Variants in RB1 observed in about 807,000 individuals in gnomAD.
RB1 encodes the protein RB transcriptional corepressor 1, also known as retinoblastoma-associated protein.
In RB1, 18 loss-of-function variants were observed where a neutral mutation model predicts 135.4. The ratio of observed to expected loss-of-function variants is 0.13; its 90% CI spans 0.09 to 0.20. The LOEUF (loss-of-function observed/expected upper bound fraction) is 0.20, where lower values mean the gene tolerates loss of function less well. Ranked by LOEUF, RB1 falls within the 10% of genes least tolerant of loss-of-function variation. RB1 has a pLI of 1.00. For synonymous variants in RB1, 365 were observed against 373.2 expected, an observed-to-expected ratio of 0.98 and a Z score of 0.25; for missense variants, 868 against 1,110.0, an observed-to-expected ratio of 0.78 and a Z score of 3.10.
chr13:48,365,035 C>CT (rs1952681381), intron 9 of RB1, 64 bp downstream of exon 9: 1 of 1,495,002 alleles, frequency 6.7e-7, no homozygotes, highest in African/African-American at 1.4e-5. Flanking sequence ...GGATAATTGT[C>CT]TAACTTTCTT....
At chr13:48,371,205 C>T (rs1010653657) in intron 11 of RB1, among the ~76,000 whole-genome samples, 4 of 152,092 alleles carry the variant, frequency 2.6e-5, no homozygotes, top group African/African-American at 7.2e-5. Flanking sequence ...GGATGTTAAG[C>T]AGGGGTAAGG....
chr13:48,375,447 G>T (rs1593453002), intron 12 of RB1, among the ~76,000 whole-genome samples: 1 of 146,970 alleles, frequency 6.8e-6, no homozygotes. Context: ...GGAAATGCTT[G>T]TTTGTTATAT....
intron 17 of RB1, among the ~76,000 whole-genome samples, chr13:48,410,497 T>C (rs1948784099): frequency 6.6e-6 from 1 of 152,190 alleles, no homozygotes. Context: ...GTATATTACT[T>C]TCTAAATGCC....
intron 17 of RB1, among the ~76,000 whole-genome samples, chr13:48,392,786 G>A (rs549267182): frequency 1.3e-5 from 2 of 151,624 alleles, no homozygotes; most frequent in African/African-American, 4.8e-5. Flanking sequence ...AGAGTCGTAT[G>A]TTTCTGCTTT....
intron 17 of RB1, among the ~76,000 whole-genome samples, chr13:48,436,142 A>G (rs777576632): frequency 6.6e-6 from 1 of 152,234 alleles, no homozygotes; most frequent in Non-Finnish European, 1.5e-5. Context: ...TGATAACACA[A>G]TTAACCAAAG....
chr13:48,364,001 G>C (rs1396365338), intron 8 of RB1, among the ~76,000 whole-genome samples: 1 of 152,064 alleles, frequency 6.6e-6, no homozygotes, highest in Non-Finnish European at 1.5e-5. Context: ...GTTAACTTTG[G>C]GAAGGAGTGA....
intron 10 of RB1, 113 bp downstream of exon 10, chr13:48,367,716 A>C: frequency 8.0e-7 from 1 of 1,245,964 alleles, no homozygotes; most frequent in Non-Finnish European, 1.1e-6. Flanking sequence ...ATAACAAATT[A>C]CTTTCAAATG....
chr13:48,367,414 T>G (rs2138120690), intron 9 of RB1, 80 bp from the exon 10 acceptor site: 2 of 1,475,572 alleles, frequency 1.4e-6, no homozygotes, highest in Non-Finnish European at 1.8e-6. Flanking sequence ...CAAAAATTCT[T>G]TAATGAAATC....
rs527912551 is a variant in RB1, at chr13:48,380,111, T to A, written c.1421+27T>A. ...TAAATTTTTTACTTTTAGTAAAAAATTTTTTTCTTTTTATAGAAGTAAGTA... is the reference window on the plus strand; with the variant it reads ...TAAATTTTTTACTTTTAGTAAAAAAATTTTTTCTTTTTATAGAAGTAAGTA... On this transcript the variant is annotated intron_variant, in intron 15 of 26. Coordinates refer to ENST00000267163, the MANE Select transcript of RB1 (RefSeq NM_000321.3). 4.3e-4 allele frequency: 620 copies of A among 1,447,520 alleles called. 1 individual carries two copies. Among genetic ancestry groups the A allele is most frequent in the Middle Eastern group, 3.5e-3 (14 of 3,978 alleles). 89.7% of individuals were successfully genotyped at this position (1,447,520 alleles called of 1,614,324 possible).
chr13:48,341,843 C>A (rs1952445380), intron 2 of RB1, among the ~76,000 whole-genome samples: 1 of 151,818 alleles, frequency 6.6e-6, no homozygotes, highest in African/African-American at 2.4e-5. Flanking sequence ...GTAAATAGTT[C>A]CAACTATTTA....
rs759079385 is a variant in RB1, at chr13:48,379,612, C to T, written c.1351C>T (p.Arg451Cys). 43 of 1,611,888 alleles carry T rather than the reference C, an allele frequency of 2.7e-5. No individual in the cohort carries two copies. The highest frequency in any genetic ancestry group is 3.1e-5 in the Non-Finnish European group (37 of 1,179,542). The change falls in exon 14 of 27, where the codon CGC becomes TGC. Residue 451 changes from arginine (R) to cysteine (C), a missense_variant. By Grantham distance (180) the Arg-to-Cys change is radical. Transcript: ENST00000267163. ...IGSQRYKLGV[R>C]LYYRVMESML... is the part of the protein sequence containing the mutation. ...TTTGTAGCGATACAAACTTGGAGTTCGCTTGTATTACCGAGTAATGGAATC... is the reference window on the plus strand; with the variant it reads ...TTTGTAGCGATACAAACTTGGAGTTTGCTTGTATTACCGAGTAATGGAATC...
chr13:48,349,103 A>G (rs1952524197), intron 6 of RB1, 80 bp downstream of exon 6: 2 of 1,425,128 alleles, frequency 1.4e-6, no homozygotes, highest in Non-Finnish European at 1.9e-6. Context: ...AAATTCCCCA[A>G]TTTTTATTGA....
chr13:48,464,771 CTCAA>C (rs912283755), intron 21 of RB1, among the ~76,000 whole-genome samples: 2 of 152,108 alleles, frequency 1.3e-5, no homozygotes, highest in African/African-American at 4.8e-5. Context: ...GGCTATTTCT[CTCAA>C]TCATTCTGTG....
At chr13:48,322,833 G>A (rs1429489756) in intron 2 of RB1, among the ~76,000 whole-genome samples, 6 of 152,024 alleles carry the variant, frequency 3.9e-5, no homozygotes, top group African/African-American at 1.4e-4. Flanking sequence ...ATTTTCAGGT[G>A]TTAAACCAAC....
intron 2 of RB1, chr13:48,340,792 A>C (rs550186175): frequency 1.5e-4 from 24 of 158,562 alleles, no homozygotes; most frequent in Non-Finnish European, 2.5e-4. Context: ...ACACAAATAC[A>C]GAAGTTGATT....
chr13:48,433,074 A>C (rs1949146591), intron 17 of RB1, among the ~76,000 whole-genome samples: 1 of 152,100 alleles, frequency 6.6e-6, no homozygotes, highest in African/African-American at 2.4e-5. Context: ...AAGTTTCTCA[A>C]AGTGATTTTA....
chr13:48,371,259 A>T (rs1285413710), intron 11 of RB1, among the ~76,000 whole-genome samples: 1 of 152,212 alleles, frequency 6.6e-6, no homozygotes, highest in Non-Finnish European at 1.5e-5. Flanking sequence ...GGTAATAGTC[A>T]GTGGGGGGAT....
intron 17 of RB1, among the ~76,000 whole-genome samples, chr13:48,402,937 T>G (rs1412534409): frequency 6.6e-6 from 1 of 152,174 alleles, no homozygotes; most frequent in Non-Finnish European, 1.5e-5. Flanking sequence ...TTCATTTTTA[T>G]TTAAATAAAT....
intron 13 of RB1, among the ~76,000 whole-genome samples, chr13:48,378,938 T>C (rs1948506945): frequency 6.6e-6 from 1 of 152,204 alleles, no homozygotes. Context: ...GGAAATAATA[T>C]GGTGTGTGTT....
Sources: gnomAD v4.1 joint callset for allele counts (sites outside exome capture counted in the v4.1 genomes callset) on GRCh38, gnomAD v4.1.1 for gene constraint, MANE v1.5 for transcripts, NCBI Gene and HGNC (gene_info 2026-07-23, HGNC 2026-07-21) for gene names.